FAF2: variants seen among roughly 807,000 people sequenced by gnomAD.
FAF2 encodes Fas associated factor family member 2.
A neutral mutation model predicts 62.3 loss-of-function variants in FAF2; 9 were observed. The ratio of observed to expected loss-of-function variants is 0.14; its 90% CI spans 0.09 to 0.25. FAF2 has a LOEUF of 0.25. FAF2 is among the 10% of genes least tolerant of loss of function. The probability of loss-of-function intolerance (pLI) is 1.00; values close to 1 mark genes in which losing one functional copy is unlikely to be tolerated. For synonymous variants in FAF2, 202 were observed against 198.0 expected, an observed-to-expected ratio of 1.02 and a Z score of -0.17; for missense variants, 368 against 556.2, an observed-to-expected ratio of 0.66 and a Z score of 3.40.
chr5:176,451,116 A>T (rs898675884), intron 1 of FAF2, among the ~76,000 whole-genome samples: 4 of 152,154 alleles, frequency 2.6e-5, no homozygotes, highest in African/African-American at 9.7e-5. Flanking sequence ...CATGCTTGTA[A>T]TCCCAGCACT....
rs942317874 is a variant in FAF2, at chr5:176,508,586, C to T, written c.*1636C>T. The T allele has an allele frequency of 2.6e-5, 4 of 152,164 alleles. No individual in the cohort carries two copies. Among genetic ancestry groups the T allele is most frequent in the African/African-American group, 9.7e-5 (4 of 41,424 alleles). The allele number at this position is 152,164 out of a possible 1,614,324, so 9.4% of individuals were successfully genotyped here. ...CCCCACAGAAATTAACTTGGAGAGC[C>T]TGAGAAATTCCCAGTGGCCTTGGCA... On this transcript the variant is annotated 3_prime_UTR_variant, in exon 11 of 11. Coordinates refer to ENST00000261942, the MANE Select transcript of FAF2 (RefSeq NM_014613.3).
intron 8 of FAF2, among the ~76,000 whole-genome samples, chr5:176,497,547 C>T (rs1429742410): frequency 2.0e-5 from 3 of 152,178 alleles, no homozygotes; most frequent in African/African-American, 4.8e-5. Flanking sequence ...TTAAAAATTA[C>T]TGCATAACAT....
At chr5:176,475,783 G>A (rs927690423) in intron 1 of FAF2, among the ~76,000 whole-genome samples, 2 of 150,918 alleles carry the variant, frequency 1.3e-5, no homozygotes, top group South Asian at 4.2e-4. Context: ...AAAAAAAAAA[G>A]AATTACTATC....
In FAF2 at chr5:176,494,100, A is replaced by G; in HGVS notation, c.569+16A>G. 6.2e-7 allele frequency: 1 copy of G among 1,612,610 alleles called. No individual in the cohort carries two copies. The highest frequency in any genetic ancestry group is 8.5e-7 in the Non-Finnish European group (1 of 1,178,722). Reference sequence around the variant, plus strand: ...AGTTTTGTCGGTAAGTGGATTGATTATTTTCCTTCTCTTTTCTGACTCTTT... The same window carrying G: ...AGTTTTGTCGGTAAGTGGATTGATTGTTTTCCTTCTCTTTTCTGACTCTTT... On this transcript the variant is annotated intron_variant, in intron 6 of 10. Coordinates refer to ENST00000261942, the MANE Select transcript of FAF2 (RefSeq NM_014613.3). This position sits in a 1 kb window ranked among gnomAD's most constrained non-coding sequence, Gnocchi z 4.0.
chr5:176,506,614 T>C (rs540965834), intron 10 of FAF2, among the ~76,000 whole-genome samples, 154 bp from the exon 11 acceptor site: 2 of 152,306 alleles, frequency 1.3e-5, no homozygotes, highest in South Asian at 4.1e-4. Context: ...AATGAAAAGA[T>C]TAGAATTCCA....
intron 1 of FAF2, among the ~76,000 whole-genome samples, chr5:176,460,048 G>A (rs758628734): frequency 2.6e-5 from 4 of 152,136 alleles, no homozygotes; most frequent in Non-Finnish European, 5.9e-5. Flanking sequence ...CCATGTTGCT[G>A]CAAAGGATGT....
intron 1 of FAF2, among the ~76,000 whole-genome samples, chr5:176,451,580 A>T (rs970583771): frequency 4.6e-5 from 7 of 151,004 alleles, no homozygotes; most frequent in Non-Finnish European, 1.0e-4. Flanking sequence ...TCATTTTAAT[A>T]ATGAAGAAAC....
chr5:176,448,790 C>T (rs1426488274), intron 1 of FAF2, among the ~76,000 whole-genome samples: 2 of 152,178 alleles, frequency 1.3e-5, no homozygotes, highest in Admixed American at 1.3e-4. Context: ...CCTCTCCGCC[C>T]AACGAGTCTA....
intron 10 of FAF2, among the ~76,000 whole-genome samples, chr5:176,502,000 A>C (rs1581076853): frequency 6.6e-6 from 1 of 151,794 alleles, no homozygotes; most frequent in African/African-American, 2.4e-5. Context: ...CAAGTGATCC[A>C]CCCACCTCGG....
At chr5:176,482,384 T>C (rs1758795869) in intron 2 of FAF2, among the ~76,000 whole-genome samples, 1 of 152,098 alleles carries the variant, frequency 6.6e-6, no homozygotes, top group African/African-American at 2.4e-5. Context: ...GGCTAATTTT[T>C]GTATTTTTAG....
At chr5:176,504,974 GTT>G (rs1755651612) in intron 10 of FAF2, among the ~76,000 whole-genome samples, 1 of 149,568 alleles carries the variant, frequency 6.7e-6, no homozygotes, top group South Asian at 2.1e-4. Flanking sequence ...AGTGAGTCGT[GTT>G]TGCACCACTG....
At chr5:176,495,228 C>T (rs1246322377) in intron 7 of FAF2, among the ~76,000 whole-genome samples, 1 of 152,168 alleles carries the variant, frequency 6.6e-6, no homozygotes, top group Non-Finnish European at 1.5e-5. Flanking sequence ...TTTATATTAG[C>T]ATGCCACATA....
In FAF2 at chr5:176,508,392, C is replaced by CA. The variant is rs148601788; in HGVS notation, c.*1442_*1443insA. 14,707 of 152,038 alleles carry CA rather than the reference C, an allele frequency of 0.097. 913 individuals are homozygous for CA. Among genetic ancestry groups the CA allele is most frequent in the East Asian group, 0.26 (1,332 of 5,148 alleles). The allele number at this position is 152,038 out of a possible 1,614,324, so 9.4% of individuals were successfully genotyped here. On this transcript the variant is annotated 3_prime_UTR_variant, in exon 11 of 11. Coordinates refer to ENST00000261942, the MANE Select transcript of FAF2 (RefSeq NM_014613.3). ...TGTAGTTCCTAGAATGCTGTGAGGG[C>CA]GGGGGGTTCAGATCAACATAAAGCC...
intron 4 of FAF2, 78 bp from the exon 5 acceptor site, chr5:176,492,116 G>A (rs552978417): frequency 5.8e-6 from 9 of 1,560,506 alleles, no homozygotes; most frequent in Non-Finnish European, 7.9e-6. Flanking sequence ...CTCTGTTACA[G>A]GAATCTGTAC....
chr5:176,472,193 C>G (rs1758582662), intron 1 of FAF2, among the ~76,000 whole-genome samples: 1 of 151,918 alleles, frequency 6.6e-6, no homozygotes, highest in Non-Finnish European at 1.5e-5. Context: ...CACAGTGGTG[C>G]TATCTCAGCT....
intron 2 of FAF2, among the ~76,000 whole-genome samples, chr5:176,485,818 A>T (rs895398080): frequency 6.6e-6 from 1 of 151,618 alleles, no homozygotes; most frequent in Admixed American, 6.6e-5. Flanking sequence ...CAATCCTCTC[A>T]CCTCAGCCTC....
chr5:176,451,829 CATATATATATATACACACATATATAT>C (rs1561813461), intron 1 of FAF2, among the ~76,000 whole-genome samples: 1 of 22,608 alleles, frequency 4.4e-5, no homozygotes, highest in African/African-American at 1.5e-4. Context: ...TATATATATA[CATATATATATATACACACATATATAT>C]ACACATATAT....
chr5:176,498,159 A>C (rs1755530881), intron 8 of FAF2, among the ~76,000 whole-genome samples: 1 of 152,196 alleles, frequency 6.6e-6, no homozygotes, highest in South Asian at 2.1e-4. Context: ...CAAGATCAAA[A>C]TCCTGTAAAT....
At chr5:176,466,175 T>A (rs1302891692) in intron 1 of FAF2, among the ~76,000 whole-genome samples, 1 of 152,222 alleles carries the variant, frequency 6.6e-6, no homozygotes, top group Admixed American at 6.5e-5. Context: ...GAGTTTAAAT[T>A]ACTTTAGATC....
Sources: allele counts gnomAD v4.1 joint callset (sites outside exome capture counted in the v4.1 genomes callset), GRCh38; gene constraint gnomAD v4.1.1; non-coding constraint Gnocchi (gnomAD v3.1); transcripts MANE v1.5; gene names NCBI Gene and HGNC (gene_info 2026-07-23, HGNC 2026-07-21).